Variants in PTPRD observed in about 807,000 individuals in gnomAD.
The protein encoded by PTPRD is protein tyrosine phosphatase receptor type D.
A neutral mutation model predicts 214.5 loss-of-function variants in PTPRD; 34 were observed. The observed-to-expected ratio is 0.16, with a 90% confidence interval of 0.12 to 0.21. The LOEUF is 0.21. Among genes scored for constraint, PTPRD ranks in the 10% least tolerant of loss-of-function variants. The pLI is 1.00. For synonymous variants in PTPRD, 1,128 were observed against 845.7 expected (o/e 1.33, Z -5.79); for missense variants, 2,545 against 2,398.7 (o/e 1.06, Z -1.27).
At chr9:10,246,691 G>A (rs563522298) in intron 3 of PTPRD, among the ~76,000 whole-genome samples, 23 of 152,160 alleles carry the variant, frequency 1.5e-4, no homozygotes, top group African/African-American at 5.5e-4. Flanking sequence ...GTTTTAGTTT[G>A]TGCCTGGTAC....
intron 3 of PTPRD, among the ~76,000 whole-genome samples, chr9:10,311,826 G>A (rs1016445219): frequency 2.0e-5 from 3 of 151,972 alleles, no homozygotes; most frequent in Admixed American, 6.6e-5. Context: ...AACCACACGC[G>A]GTAATTCTGA....
intron 12 of PTPRD, among the ~76,000 whole-genome samples, chr9:8,646,855 T>C (rs2096705234): frequency 6.6e-6 from 1 of 152,182 alleles, no homozygotes; most frequent in African/African-American, 2.4e-5. Context: ...TACATGAGCT[T>C]GGTAAAGGCT....
chr9:8,395,762 T>A (rs890835154), intron 36 of PTPRD, among the ~76,000 whole-genome samples: 4 of 151,998 alleles, frequency 2.6e-5, no homozygotes, highest in Non-Finnish European at 5.9e-5. Flanking sequence ...TATGTCTTCC[T>A]CTACTTGATT....
intron 3 of PTPRD, among the ~76,000 whole-genome samples, chr9:10,056,128 C>A (rs555919980): frequency 1.3e-5 from 2 of 151,790 alleles, no homozygotes; most frequent in African/African-American, 4.9e-5. Flanking sequence ...TGAGACCAGC[C>A]TGACCAACAT....
chr9:8,444,534 C>T (rs2095654507), intron 34 of PTPRD, among the ~76,000 whole-genome samples: 3 of 151,574 alleles, frequency 2.0e-5, no homozygotes, highest in Admixed American at 2.0e-4. Context: ...TTAAATATGT[C>T]AAATAAAAAA....
At chr9:9,423,061 T>A (rs188743903) in intron 8 of PTPRD, among the ~76,000 whole-genome samples, 13 of 152,218 alleles carry the variant, frequency 8.5e-5, no homozygotes, top group Admixed American at 8.5e-4. Context: ...CTAAACCTCA[T>A]CCTCTTCCTC....
intron 35 of PTPRD, 123 bp from the exon 36 acceptor site, chr9:8,404,783 T>C: frequency 8.3e-7 from 1 of 1,207,720 alleles, no homozygotes; most frequent in Non-Finnish European, 1.1e-6. Context: ...TTCATCAAGA[T>C]GATCCTAACT....
At chr9:9,306,324 G>A (rs1035826723) in intron 9 of PTPRD, among the ~76,000 whole-genome samples, 2 of 151,878 alleles carry the variant, frequency 1.3e-5, no homozygotes, top group African/African-American at 4.8e-5. Context: ...AGCACTTTGG[G>A]AGGCCTAGGT....
chr9:8,625,271 TGATA>T (rs1489793916), intron 14 of PTPRD, among the ~76,000 whole-genome samples: 7 of 151,892 alleles, frequency 4.6e-5, no homozygotes, highest in African/African-American at 1.7e-4. Flanking sequence ...GTATAAATAT[TGATA>T]GTTAATAACT....
intron 2 of PTPRD, among the ~76,000 whole-genome samples, chr9:10,603,579 G>C (rs11794612): frequency 0.12 from 18,566 of 151,898 alleles, 1,520 homozygotes; most frequent in Admixed American, 0.22. Context: ...ATGTGCTTTA[G>C]TTTTCTCATT....
chr9:9,428,889 G>C (rs1413413080), intron 8 of PTPRD, among the ~76,000 whole-genome samples: 1 of 152,166 alleles, frequency 6.6e-6, no homozygotes, highest in East Asian at 1.9e-4. Flanking sequence ...GTATCTCTGG[G>C]ACACATTTAA....
At position 9,474,470 on chromosome 9, in the gene PTPRD, C is replaced by T. The variant is rs181072496; in HGVS notation, c.-236-76988G>A. ...ATATTTTAGAATTTTTAAAAAATTT[C>T]AGTGAAGAATTCCATTGGTGTTTTG... On this transcript the variant is annotated intron_variant, in intron 8 of 45. Transcript: ENST00000381196. 1.4e-4 allele frequency among the ~76,000 whole-genome samples: 22 copies of T among 152,136 alleles called. 1 individual carries two copies. Among genetic ancestry groups the T allele is most frequent in the Admixed American group, 1.0e-3 (16 of 15,284 alleles).
rs1477523128 is a variant in PTPRD at position 8,454,462 on chromosome 9, A to T, written c.3876-4625T>A. On this transcript the variant is annotated intron_variant, in intron 33 of 45. Coordinates refer to ENST00000381196, the MANE Select transcript of PTPRD (RefSeq NM_002839.4). ...TATATGTAGGCTTTGCCCATCTTCC[A>T]CGTGCCAGGTATTATCTTTTGTGTG... The T allele has an allele frequency of 5.2e-6, 5 of 967,440 alleles. No homozygotes were observed. The Admixed American group carries it at 1.1e-4, about 21-fold the overall frequency. 59.9% of individuals were successfully genotyped at this position (967,440 alleles called of 1,614,324 possible).
chr9:9,650,576 T>C, intron 7 of PTPRD, among the ~76,000 whole-genome samples: 1 of 152,174 alleles, frequency 6.6e-6, no homozygotes, highest in East Asian at 1.9e-4. Flanking sequence ...GGCCTCATTA[T>C]ATGAACATAT....
At chr9:8,693,812 C>T (rs2097855526) in intron 12 of PTPRD, among the ~76,000 whole-genome samples, 2 of 152,166 alleles carry the variant, frequency 1.3e-5, no homozygotes, top group Non-Finnish European at 2.9e-5. Flanking sequence ...CAAAACACTT[C>T]CACAACAAAA....
At chr9:9,480,955 C>T (rs939282772) in intron 8 of PTPRD, among the ~76,000 whole-genome samples, 1 of 152,104 alleles carries the variant, frequency 6.6e-6, no homozygotes, top group East Asian at 1.9e-4. Flanking sequence ...CCTGGGTCAA[C>T]TTGGATAAGT....
At chr9:10,106,229 C>A (rs1201931438) in intron 3 of PTPRD, among the ~76,000 whole-genome samples, 3 of 151,650 alleles carry the variant, frequency 2.0e-5, no homozygotes, top group African/African-American at 7.3e-5. Flanking sequence ...TCCTATTTTT[C>A]TATTCTGCAA....
At chr9:10,026,577 C>T (rs988545150) in intron 4 of PTPRD, among the ~76,000 whole-genome samples, 2 of 152,094 alleles carry the variant, frequency 1.3e-5, no homozygotes, top group Admixed American at 6.6e-5. Flanking sequence ...CTGTGCTCAT[C>T]CTTTGGAGCA....
At position 8,571,097 on chromosome 9, in the gene PTPRD, T is replaced by C. The variant is rs1020382251; in HGVS notation, c.353-42318A>G. ...CTCCTGCTCACGAGCTTCCACGGCATATTCCATTTATCAATTTTTACCTTG... is the reference window on the plus strand; with the variant it reads ...CTCCTGCTCACGAGCTTCCACGGCACATTCCATTTATCAATTTTTACCTTG... On this transcript the variant is annotated intron_variant, in intron 14 of 45. Coordinates refer to ENST00000381196, the MANE Select transcript of PTPRD (RefSeq NM_002839.4). Among the ~76,000 whole-genome samples the C allele has an allele frequency of 2.6e-5, 4 of 152,066 alleles. No homozygotes were observed. In the East Asian group the frequency reaches 7.7e-4, roughly 29 times the overall value.
Sources: allele counts gnomAD v4.1 joint callset (sites outside exome capture counted in the v4.1 genomes callset), GRCh38; gene constraint gnomAD v4.1.1; transcripts MANE v1.5; gene names NCBI Gene and HGNC (gene_info 2026-07-23, HGNC 2026-07-21).